ATG7: variants seen among roughly 807,000 people sequenced by gnomAD.
The protein encoded by ATG7 is autophagy related 7.
A neutral mutation model predicts 82.4 loss-of-function variants in ATG7; 70 were observed. The observed-to-expected ratio is 0.85, with a 90% CI of 0.70 to 1.04. The LOEUF (loss-of-function observed/expected upper bound fraction) is 1.04. Ranked by LOEUF, ATG7 falls within the 50% of genes least tolerant of loss-of-function variation. The probability of loss-of-function intolerance (pLI) is 0.00; values close to 1 mark genes in which losing one functional copy is unlikely to be tolerated. For missense variants in ATG7, 792 were observed against 864.3 expected (o/e 0.92, Z 1.05); for synonymous variants, 287 against 313.0 (o/e 0.92, Z 0.88).
At chr3:11,509,413 G>C (rs185438251) in intron 20 of ATG7, among the ~76,000 whole-genome samples, 4 of 148,098 alleles carry the variant, frequency 2.7e-5, no homozygotes, top group Admixed American at 2.7e-4. Context: ...TTTTTTAAGT[G>C]CCAAATTGTG....
intron 20 of ATG7, among the ~76,000 whole-genome samples, chr3:11,460,387 CTG>C (rs1396034918): frequency 6.6e-6 from 1 of 152,154 alleles, no homozygotes; most frequent in Non-Finnish European, 1.5e-5. Context: ...GCCTAGAAGA[CTG>C]TGTTGAGAAG....
intron 18 of ATG7, among the ~76,000 whole-genome samples, chr3:11,371,821 AG>A (rs2077015870): frequency 6.6e-6 from 1 of 151,230 alleles, no homozygotes; most frequent in Non-Finnish European, 1.5e-5. Context: ...TGTTTCTAAA[AG>A]ACCCTTGGCA....
intron 20 of ATG7, among the ~76,000 whole-genome samples, chr3:11,452,016 G>C (rs1052115836): frequency 1.4e-5 from 1 of 71,648 alleles, no homozygotes; most frequent in Non-Finnish European, 2.4e-5. Flanking sequence ...CCAGGGACTT[G>C]GGGGGTTGGG....
chr3:11,367,014 T>TGTGTGTGTG (rs58790022), intron 18 of ATG7, among the ~76,000 whole-genome samples: 11 of 150,870 alleles, frequency 7.3e-5, no homozygotes, highest in South Asian at 6.3e-4. Flanking sequence ...TGTGTGTGTG[T>TGTGTGTGTG]TTACTTGCTT....
At chr3:11,326,284 C>CTGTTTTTT (rs1252524840) in intron 9 of ATG7, among the ~76,000 whole-genome samples, 4 of 101,934 alleles carry the variant, frequency 3.9e-5, no homozygotes, top group African/African-American at 5.9e-5. Context: ...GTTGTAAATG[C>CTGTTTTTT]TGTTTTTTTT....
At chr3:11,299,552 A>C in intron 5 of ATG7, 136 bp downstream of exon 5, 1 of 809,290 alleles carries the variant, frequency 1.2e-6, no homozygotes, top group Non-Finnish European at 2.0e-6. Flanking sequence ...CCCCCTCATG[A>C]TTCTCTTATA....
intron 20 of ATG7, among the ~76,000 whole-genome samples, chr3:11,532,967 C>T (rs1188705247): frequency 1.3e-5 from 2 of 152,228 alleles, no homozygotes; most frequent in Admixed American, 1.3e-4. Flanking sequence ...CACATGAACA[C>T]CGTGCCCCAG....
intron 20 of ATG7, among the ~76,000 whole-genome samples, chr3:11,483,093 T>G (rs2153034989): frequency 6.6e-6 from 1 of 152,298 alleles, no homozygotes; most frequent in East Asian, 1.9e-4. Context: ...AATTATCAGC[T>G]ATTGTGGCAA....
At chr3:11,286,805 A>T (rs1368284094) in intron 3 of ATG7, among the ~76,000 whole-genome samples, 2 of 151,608 alleles carry the variant, frequency 1.3e-5, no homozygotes, top group African/African-American at 4.8e-5. Flanking sequence ...AATGTTGCCC[A>T]TGTTGCCCAG....
intron 20 of ATG7, among the ~76,000 whole-genome samples, chr3:11,432,233 A>G (rs1211627938): frequency 6.6e-6 from 1 of 152,192 alleles, no homozygotes; most frequent in Non-Finnish European, 1.5e-5. Flanking sequence ...TTGGAGAAAA[A>G]GAATAGCACT....
At chr3:11,395,633 C>T (rs2079148976) in intron 19 of ATG7, among the ~76,000 whole-genome samples, 1 of 152,126 alleles carries the variant, frequency 6.6e-6, no homozygotes, top group African/African-American at 2.4e-5. Context: ...TTAAACCCAG[C>T]AGATAATACC....
intron 20 of ATG7, chr3:11,446,648 C>T: frequency 4.1e-6 from 1 of 241,286 alleles, no homozygotes; most frequent in Non-Finnish European, 8.3e-6. Flanking sequence ...CAAGCCTGAC[C>T]AGACTGAATT....
chr3:11,420,258 G>A (rs1359816639), intron 19 of ATG7, among the ~76,000 whole-genome samples: 1 of 152,136 alleles, frequency 6.6e-6, no homozygotes, highest in African/African-American at 2.4e-5. Context: ...GCCCCTAGAG[G>A]ATTAAGTTTT....
At chr3:11,276,686 A>G (rs1941871515) in intron 1 of ATG7, among the ~76,000 whole-genome samples, 1 of 151,928 alleles carries the variant, frequency 6.6e-6, no homozygotes, top group Non-Finnish European at 1.5e-5. Context: ...ACTTAGGAAA[A>G]CCCAGTCCTA....
At chr3:11,436,185 A>G (rs2083352006) in intron 20 of ATG7, among the ~76,000 whole-genome samples, 1 of 152,234 alleles carries the variant, frequency 6.6e-6, no homozygotes, top group Non-Finnish European at 1.5e-5. Context: ...TCCAAAGAAG[A>G]TATACAGATA....
At chr3:11,437,092 AC>A (rs2083435214) in intron 20 of ATG7, among the ~76,000 whole-genome samples, 2 of 152,330 alleles carry the variant, frequency 1.3e-5, no homozygotes, top group South Asian at 4.1e-4. Context: ...AAAAAGCAAG[AC>A]AAAAAGTGCC....
At chr3:11,500,709 C>A (rs902649210) in intron 20 of ATG7, among the ~76,000 whole-genome samples, 1 of 152,196 alleles carries the variant, frequency 6.6e-6, no homozygotes, top group South Asian at 2.1e-4. Flanking sequence ...CGTCTCACTG[C>A]AACCTCCACC....
chr3:11,494,892 T>C (rs867227323), intron 20 of ATG7, among the ~76,000 whole-genome samples: 1 of 151,996 alleles, frequency 6.6e-6, no homozygotes, highest in Admixed American at 6.6e-5. Context: ...ACCAACATGG[T>C]GAAACCCCGT....
chr3:11,399,263 G>A (rs898396755), intron 19 of ATG7, among the ~76,000 whole-genome samples: 6 of 152,144 alleles, frequency 3.9e-5, no homozygotes, highest in Non-Finnish European at 7.4e-5. Context: ...CAGGAGAATC[G>A]CTTGAGCCCC....
Sources: gnomAD v4.1 joint callset for allele counts (sites outside exome capture counted in the v4.1 genomes callset) on GRCh38, gnomAD v4.1.1 for gene constraint, MANE v1.5 for transcripts, NCBI Gene and HGNC (gene_info 2026-07-23, HGNC 2026-07-21) for gene names.